The following KIAA1328 variants were observed in gnomAD, a reference collection of about 807,000 sequenced individuals.
KIAA1328 encodes KIAA1328.
Under a neutral mutation model 68.1 loss-of-function variants are expected in KIAA1328, and 52 were observed. That is an observed-to-expected ratio of 0.76 (90% CI 0.61 to 0.96). The LOEUF is 0.96. Among genes scored for constraint, KIAA1328 ranks in the 40% least tolerant of loss-of-function variants. The probability of loss-of-function intolerance (pLI) is 0.00; values close to 1 mark genes in which losing one functional copy is unlikely to be tolerated. For missense variants in KIAA1328, 641 were observed against 677.6 expected, an observed-to-expected ratio of 0.95 and a Z score of 0.60; for synonymous variants, 232 against 239.4, an observed-to-expected ratio of 0.97 and a Z score of 0.28.
chr18:37,010,488 T>C (rs2053942898), intron 6 of KIAA1328, among the ~76,000 whole-genome samples: 1 of 145,682 alleles, frequency 6.9e-6, no homozygotes, highest in African/African-American at 2.5e-5. Context: ...TAAAAGGAAT[T>C]GATACCATTT....
intron 4 of KIAA1328, among the ~76,000 whole-genome samples, chr18:36,845,812 G>C (rs1319528042): frequency 6.6e-6 from 1 of 151,610 alleles, no homozygotes; most frequent in East Asian, 1.9e-4. Context: ...GGAGGCTAAG[G>C]TAATTCTGTA....
chr18:37,040,203 A>G (rs911481342), intron 6 of KIAA1328, among the ~76,000 whole-genome samples: 2 of 152,208 alleles, frequency 1.3e-5, no homozygotes, highest in Admixed American at 6.5e-5. Context: ...CAATGTAATT[A>G]TGGTTAGTAG....
chr18:36,988,118 T>C (rs1465201815), intron 6 of KIAA1328, among the ~76,000 whole-genome samples: 2 of 152,220 alleles, frequency 1.3e-5, no homozygotes, highest in Non-Finnish European at 2.9e-5. Flanking sequence ...TCACTCTTAG[T>C]ATTTTGAAAC....
intron 7 of KIAA1328, among the ~76,000 whole-genome samples, chr18:37,086,338 A>G (rs1478728615): frequency 6.6e-6 from 1 of 152,254 alleles, no homozygotes; most frequent in African/African-American, 2.4e-5. Context: ...ATCACTTTGT[A>G]TACAATAAAT....
At chr18:37,076,240 A>G (rs1400490192) in intron 7 of KIAA1328, among the ~76,000 whole-genome samples, 2 of 152,172 alleles carry the variant, frequency 1.3e-5, no homozygotes, top group Non-Finnish European at 2.9e-5. Context: ...ACTACTGGGT[A>G]CATAACGAAA....
At chr18:37,230,935 C>G (rs986070209), downstream of KIAA1328, 1 of 152,246 alleles carries the variant, frequency 6.6e-6, no homozygotes, top group Non-Finnish European at 1.5e-5. Flanking sequence ...CCGGAACTGT[C>G]AGCATCTTGC....
At chr18:37,194,588 G>A (rs1243702479) in intron 9 of KIAA1328, among the ~76,000 whole-genome samples, 1 of 152,068 alleles carries the variant, frequency 6.6e-6, no homozygotes, top group Non-Finnish European at 1.5e-5. Context: ...CTTTCAACTG[G>A]TTATAGATTT....
At chr18:37,020,205 T>C (rs564902831) in intron 6 of KIAA1328, among the ~76,000 whole-genome samples, 1 of 152,212 alleles carries the variant, frequency 6.6e-6, no homozygotes, top group South Asian at 2.1e-4. Flanking sequence ...CTCACTGCAA[T>C]GTCTGCCTCC....
chr18:37,216,979 G>GT (rs1480974787), intron 9 of KIAA1328, among the ~76,000 whole-genome samples: 18,904 of 69,772 alleles, frequency 0.27, 1,779 homozygotes, highest in African/African-American at 0.38. Flanking sequence ...CTTTTTTTTT[G>GT]TTTTTTTTTT....
intron 7 of KIAA1328, among the ~76,000 whole-genome samples, chr18:37,108,534 G>A (rs1342375089): frequency 6.6e-6 from 1 of 152,228 alleles, no homozygotes; most frequent in Admixed American, 6.5e-5. Context: ...AAAATTATTT[G>A]TAATGAACAG....
intron 5 of KIAA1328, among the ~76,000 whole-genome samples, chr18:36,955,286 C>A (rs2051361394): frequency 6.6e-6 from 1 of 150,844 alleles, no homozygotes; most frequent in Non-Finnish European, 1.5e-5. Flanking sequence ...CACCACCACA[C>A]CCGGCTAATT....
chr18:36,949,556 G>A, intron 5 of KIAA1328, among the ~76,000 whole-genome samples: 1 of 144,950 alleles, frequency 6.9e-6, no homozygotes, highest in Admixed American at 7.0e-5. Context: ...GAAAAAGACA[G>A]AATGTAAAGC....
In KIAA1328 at chr18:37,223,145, C is replaced by CA. The variant is rs1246609738; in HGVS notation, c.*921dup. On this transcript the variant is annotated 3_prime_UTR_variant, in exon 10 of 10. Transcript: ENST00000280020. ...AGAGAGAGAGTGATGCAAGCTGCTG[C>CA]AAAGCTGATGGGCTTCCTCTGGCCC... The CA allele has an allele frequency of 1.0e-6, 1 of 977,280 alleles. No individual in the cohort carries two copies. The highest frequency in any genetic ancestry group is 1.2e-6 in the Non-Finnish European group (1 of 829,028). The allele number at this position is 977,280 out of a possible 1,614,324, so 60.5% of individuals were successfully genotyped here. A position where few individuals can be genotyped will look rare whatever the true frequency, so the allele number is the denominator to read the frequency against.
At chr18:36,896,176 C>T (rs1437600160) in intron 5 of KIAA1328, among the ~76,000 whole-genome samples, 5 of 151,904 alleles carry the variant, frequency 3.3e-5, no homozygotes, top group Admixed American at 6.6e-5. Flanking sequence ...TTTCAGATAT[C>T]GTTCTCTGAT....
At chr18:37,207,728 T>A (rs1417903792) in intron 9 of KIAA1328, among the ~76,000 whole-genome samples, 3 of 152,190 alleles carry the variant, frequency 2.0e-5, no homozygotes, top group African/African-American at 7.2e-5. Context: ...CTGCAAACTC[T>A]CCAGTCACCT....
intron 9 of KIAA1328, chr18:37,193,837 C>T: frequency 1.7e-6 from 1 of 583,588 alleles, no homozygotes; most frequent in South Asian, 2.1e-5. Flanking sequence ...CTCAGTCTCT[C>T]AACCAAGTAC....
At chr18:37,099,598 G>A (rs933846016) in intron 7 of KIAA1328, among the ~76,000 whole-genome samples, 5 of 152,234 alleles carry the variant, frequency 3.3e-5, no homozygotes, top group Non-Finnish European at 4.4e-5. Flanking sequence ...GGTCTGCTTG[G>A]TGCAGAGCTG....
intron 5 of KIAA1328, among the ~76,000 whole-genome samples, chr18:36,887,486 G>A (rs1598613588): frequency 6.6e-6 from 1 of 151,936 alleles, no homozygotes; most frequent in East Asian, 1.9e-4. Flanking sequence ...TCCAATTCTA[G>A]GCATTACATT....
intron 7 of KIAA1328, among the ~76,000 whole-genome samples, chr18:37,118,483 AAG>A (rs2058182806): frequency 6.6e-6 from 1 of 152,184 alleles, no homozygotes; most frequent in South Asian, 2.1e-4. Context: ...ACATAGAACT[AAG>A]AGATGTCCTA....
Sources: gnomAD v4.1 joint callset for allele counts (sites outside exome capture counted in the v4.1 genomes callset) on GRCh38, gnomAD v4.1.1 for gene constraint, MANE v1.5 for transcripts, NCBI Gene and HGNC (gene_info 2026-07-23, HGNC 2026-07-21) for gene names.